Variants in CABP5 observed in about 807,000 individuals in gnomAD.
CABP5 encodes calcium binding protein 5, also known as calcium-binding protein 5.
A neutral mutation model predicts 21.9 loss-of-function variants in CABP5; 17 were observed. The observed-to-expected ratio is 0.78, with a 90% CI of 0.53 to 1.17. The LOEUF (loss-of-function observed/expected upper bound fraction) is 1.17. Among genes scored for constraint, CABP5 ranks in the 50% most tolerant of loss-of-function variants. The probability of loss-of-function intolerance (pLI) is 0.00; values close to 1 mark genes in which losing one functional copy is unlikely to be tolerated. For synonymous variants in CABP5, 85 were observed against 79.4 expected (o/e 1.07, Z -0.37); for missense variants, 229 against 228.9 (o/e 1.00, Z 0.00).
chr19:48,029,440 G>T lies in CABP5; in HGVS notation c.*1117C>A, dbSNP rs1426298244. 2.0e-5 allele frequency among the ~76,000 whole-genome samples: 3 copies of T among 152,030 alleles called. No individual in the cohort carries two copies. Among genetic ancestry groups the T allele is most frequent in the Non-Finnish European group, 4.4e-5 (3 of 68,016 alleles). The stretch of plus-strand genomic sequence containing the variant: ...AACCTTTGCATTGCTGGAGTGTCTT[G>T]CTTTGGGCGGAGGTCAGGAGGAATC... On this transcript the variant is annotated 3_prime_UTR_variant, in exon 6 of 6. Coordinates refer to ENST00000293255, the MANE Select transcript of CABP5 (RefSeq NM_019855.5).
Position 48,034,226 on chromosome 19 carries a change from A to G in CABP5, c.485T>C (p.Val162Ala), listed in dbSNP as rs894782007. The change falls in exon 5 of 6, where the codon GTT (valine) becomes GCT (alanine). Residue 162 changes from valine to alanine, a missense_variant. Coordinates refer to ENST00000293255, the MANE Select transcript of CABP5 (RefSeq NM_019855.5). ...CCCGTCAATGTCACCTTCAAAGTCA[A>G]CTGTGCCGTCTCCATTAACATCAGC... is the stretch of plus-strand genomic sequence containing the variant. ...READVNGDGTVDFEEFVKMMS... is the reference protein window; with the variant it reads ...READVNGDGTADFEEFVKMMS... The G allele has an allele frequency of 3.8e-6, 6 of 1,584,338 alleles. No individual in the cohort carries two copies. The African/African-American group carries it at 6.8e-5, about 18-fold the overall frequency.
At chr19:48,037,362 G>A (rs558697321) in intron 4 of CABP5, among the ~76,000 whole-genome samples, 5 of 132,948 alleles carry the variant, frequency 3.8e-5, no homozygotes, top group Admixed American at 1.9e-4. Flanking sequence ...TCTGCCTCCC[G>A]GGTTCAAGCG....
chr19:48,032,397 C>T (rs1466748950), intron 5 of CABP5, among the ~76,000 whole-genome samples: 2 of 145,468 alleles, frequency 1.4e-5, no homozygotes, highest in African/African-American at 2.6e-5. Context: ...TGCAGTGGGG[C>T]GATCTCACTG....
At position 48,040,705 on chromosome 19, in the gene CABP5, C is replaced by T; in HGVS notation, c.138G>A (p.Gly46=). 1 of 1,613,886 alleles carries T rather than the reference C, an allele frequency of 6.2e-7. No individual in the cohort carries two copies. ...AFLEFDKDRD[G]FISCKDLGNL... is the part of the protein sequence containing the mutation. ...TCCCCAGATCCTTACAAGAGATGAA[C>T]CCATCTCGGTCCTTATCGAACTCAA... Residue 46 remains glycine, a synonymous_variant, in exon 3 of 6, where the codon GGG becomes GGA. Transcript: ENST00000293255.
In CABP5 at chr19:48,030,448, G is replaced by T; in HGVS notation, c.*109C>A. The stretch of plus-strand genomic sequence containing the variant: ...CATGCCAATGCCCTCCCTCCCGCCT[G>T]CCCTCCCTCTCTGCTTTAAGGGGAT... On this transcript the variant is annotated 3_prime_UTR_variant, in exon 6 of 6. Coordinates refer to ENST00000293255, the MANE Select transcript of CABP5 (RefSeq NM_019855.5). 8.8e-7 allele frequency: 1 copy of T among 1,137,776 alleles called. No individual in the cohort carries two copies. 70.5% of individuals were successfully genotyped at this position (1,137,776 alleles called of 1,614,324 possible).
At position 48,041,244 on chromosome 19, in the gene CABP5, A is replaced by ATC. The variant is rs548472043; in HGVS notation, c.94+327_94+328dup. 1.7e-3 allele frequency: 641 copies of ATC among 384,962 alleles called. 4 individuals are homozygous for ATC. Among genetic ancestry groups the ATC allele is most frequent in the Middle Eastern group, 8.5e-3 (12 of 1,406 alleles). The allele number at this position is 384,962 out of a possible 1,614,324, so 23.8% of individuals were successfully genotyped here. A position where few individuals can be genotyped will look rare whatever the true frequency, so the allele number is the denominator to read the frequency against. On this transcript the variant is annotated intron_variant, in intron 2 of 5. Transcript: ENST00000293255. Reference sequence around the variant, plus strand: ...TATGAAATGTGTTAGCAAAAGAGGCATCATTCCTGAGACCACTAAATGAGA... The same window carrying ATC: ...TATGAAATGTGTTAGCAAAAGAGGCATCTCATTCCTGAGACCACTAAATGAGA...
intron 3 of CABP5, among the ~76,000 whole-genome samples, chr19:48,039,703 CTTTTTT>C (rs772482700): frequency 1.7e-4 from 10 of 59,232 alleles, no homozygotes; most frequent in East Asian, 6.6e-4. Flanking sequence ...AACCCAATAG[CTTTTTT>C]TTTTTTTTTT....
intron 1 of CABP5, among the ~76,000 whole-genome samples, chr19:48,043,175 A>T (rs1600129911): frequency 6.6e-6 from 1 of 151,072 alleles, no homozygotes; most frequent in Non-Finnish European, 1.5e-5. Flanking sequence ...ATGCTGAGCT[A>T]TTTTTTTGTA....
chr19:48,042,349 C>T (rs1018373505), intron 1 of CABP5, among the ~76,000 whole-genome samples: 3 of 152,282 alleles, frequency 2.0e-5, no homozygotes, highest in East Asian at 1.9e-4. Context: ...GCCAGCATGA[C>T]CAGTTCCTAA....
At chr19:48,039,165 G>T in intron 4 of CABP5, 43 bp downstream of exon 4, 2 of 1,486,958 alleles carry the variant, frequency 1.3e-6, no homozygotes, top group Non-Finnish European at 1.9e-6. Context: ...ACCTCAGAGG[G>T]TCTGCCTCTA....
At chr19:48,032,334 C>CT (rs11384879) in intron 5 of CABP5, among the ~76,000 whole-genome samples, 83,087 of 143,596 alleles carry the variant, frequency 0.58, 24,679 homozygotes, top group East Asian at 0.83. Flanking sequence ...TAATTTTGGA[C>CT]TTTTTTTTTT....
chr19:48,043,832 C>T (rs777341238), intron 1 of CABP5, 28 bp downstream of exon 1: 8 of 1,482,656 alleles, frequency 5.4e-6, no homozygotes, highest in South Asian at 1.4e-5. Context: ...CCCCGCCCAC[C>T]GCCCTTCCCC....
chr19:48,034,515 G>A (rs986293891), intron 4 of CABP5, among the ~76,000 whole-genome samples, 153 bp from the exon 5 acceptor site: 4 of 130,976 alleles, frequency 3.1e-5, no homozygotes, highest in Non-Finnish European at 6.9e-5. Flanking sequence ...AGACAGTTTT[G>A]TTCTGTTTTT....
chr19:48,043,973 T>G lies in CABP5; in HGVS notation c.-51A>C. The G allele has an allele frequency of 5.5e-6, 8 of 1,451,102 alleles. No homozygotes were observed. The highest frequency in any genetic ancestry group is 7.4e-6 in the Non-Finnish European group (8 of 1,087,418). 89.9% of individuals were successfully genotyped at this position (1,451,102 alleles called of 1,614,324 possible). On this transcript the variant is annotated 5_prime_UTR_variant, in exon 1 of 6. Transcript: ENST00000293255. The stretch of plus-strand genomic sequence containing the variant: ...GCACCAGTCTCAAGATGGCCCCTCC[T>G]CCCTGCTCCCTGTCGGAGCTCAGCC...
At chr19:48,037,285 T>TTTTTTTTTTTG (rs1967422079) in intron 4 of CABP5, among the ~76,000 whole-genome samples, 5 of 131,578 alleles carry the variant, frequency 3.8e-5, no homozygotes, top group Non-Finnish European at 6.3e-5. Context: ...TTTTTTTTTT[T>TTTTTTTTTTTG]GAGGTGGAGT....
rs1006338589 is a variant in CABP5, at chr19:48,029,900, C to T, written c.*657G>A. On this transcript the variant is annotated 3_prime_UTR_variant, in exon 6 of 6. Coordinates refer to ENST00000293255, the MANE Select transcript of CABP5 (RefSeq NM_019855.5). ...GAGTTGACTTTGAATGCCACTTGCA[C>T]GAGCCATTTCCAAGCCCAGCCTCAA... 3.3e-5 allele frequency: 5 copies of T among 151,850 alleles called. No individual in the cohort carries two copies. Among genetic ancestry groups the T allele is most frequent in the East Asian group, 3.9e-4 (2 of 5,174 alleles). 9.4% of individuals were successfully genotyped at this position (151,850 alleles called of 1,614,324 possible).
chr19:48,030,329 T>C lies in CABP5; in HGVS notation c.*228A>G. The C allele has an allele frequency of 2.1e-6, 1 of 477,458 alleles. No homozygotes were observed. The allele number at this position is 477,458 out of a possible 1,614,324, so 29.6% of individuals were successfully genotyped here. On this transcript the variant is annotated 3_prime_UTR_variant, in exon 6 of 6. Coordinates refer to ENST00000293255, the MANE Select transcript of CABP5 (RefSeq NM_019855.5). ...ACTGGACCCTCCCACGCTTCCTATT[T>C]CCATCCACAGACTCTTCCTTCTTAA...
chr19:48,034,319 T>A lies in CABP5; in HGVS notation c.392A>T (p.Gln131Leu). Residue 131 changes from glutamine to leucine, a missense_variant, in exon 5 of 6, where the codon CAG (glutamine) becomes CTG (leucine). Gln to Leu is a moderately radical substitution (Grantham distance 113). Coordinates refer to ENST00000293255, the MANE Select transcript of CABP5 (RefSeq NM_019855.5). ...GDGEITLVELQQAMQRLLGER... is the reference protein window; with the variant it reads ...GDGEITLVELLQAMQRLLGER... ...CCCCAGGAGTCTCTGCATGGCCTGCTGTAGCTCCACCAGGGTGATCTCCCC... is the reference window on the plus strand; with the variant it reads ...CCCCAGGAGTCTCTGCATGGCCTGCAGTAGCTCCACCAGGGTGATCTCCCC... 6.2e-7 allele frequency: 1 copy of A among 1,606,962 alleles called. No individual in the cohort carries two copies. The highest frequency in any genetic ancestry group is 8.5e-7 in the Non-Finnish European group (1 of 1,177,234).
intron 4 of CABP5, 133 bp from the exon 5 acceptor site, chr19:48,034,495 C>T: frequency 2.0e-6 from 1 of 508,280 alleles, no homozygotes; most frequent in Non-Finnish European, 3.2e-6. Context: ...ACTAGAACGT[C>T]AGCTCCAAAA....
Sources: allele counts gnomAD v4.1 joint callset (sites outside exome capture counted in the v4.1 genomes callset), GRCh38; gene constraint gnomAD v4.1.1; transcripts MANE v1.5; gene names NCBI Gene and HGNC (gene_info 2026-07-23, HGNC 2026-07-21).